Variants in DNAI1 observed in about 807,000 individuals in gnomAD.
DNAI1 encodes dynein axonemal intermediate chain 1, also known as dynein, axonemal, intermediate polypeptide 1.
Under a neutral mutation model 92.0 loss-of-function variants are expected in DNAI1, and 67 were observed. The ratio of observed to expected loss-of-function variants is 0.73; its 90% confidence interval spans 0.60 to 0.89. DNAI1 has a LOEUF of 0.89. Ranked by LOEUF, DNAI1 falls within the 40% of genes least tolerant of loss-of-function variation. The pLI is 0.00. For missense variants in DNAI1, 839 were observed against 866.6 expected (o/e 0.97, Z 0.40); for synonymous variants, 323 against 319.6 (o/e 1.01, Z -0.11).
chr9:34,459,080 T>C, intron 1 of DNAI1, 27 bp downstream of exon 1: 1 of 1,607,312 alleles, frequency 6.2e-7, no homozygotes, highest in Non-Finnish European at 8.5e-7. Flanking sequence ...TTCCTTCTGA[T>C]GACCTCTGAC....
rs1335341101 is a variant in DNAI1, at chr9:34,489,448, A to G, written c.387A>G (p.Ala129=). 2 of 1,613,418 alleles carry G rather than the reference A, an allele frequency of 1.2e-6. No homozygotes were observed. Among genetic ancestry groups the G allele is most frequent in the Admixed American group, 3.3e-5 (2 of 60,002 alleles). Residue 129 remains alanine (A), a splice_region_variant and synonymous_variant, in exon 5 of 20, where the codon GCA becomes GCG. Coordinates refer to ENST00000242317, the MANE Select transcript of DNAI1 (RefSeq NM_012144.4). The stretch of plus-strand genomic sequence containing the variant: ...AGCATTACCGCGATGAATTAGTGGC[A>G]GGTAGGACTCTGGGCCATCCTGAAG... ...RRQHYRDELV[A]GSQESVKVIS...
intron 1 of DNAI1, among the ~76,000 whole-genome samples, chr9:34,469,939 A>G (rs189365847): frequency 8.0e-4 from 122 of 152,348 alleles, no homozygotes; most frequent in African/African-American, 2.7e-3. Context: ...AAACAAAACC[A>G]TTATTGTCAA....
At chr9:34,482,858 A>AGTGG (rs1477599759) in intron 1 of DNAI1, among the ~76,000 whole-genome samples, 1 of 152,214 alleles carries the variant, frequency 6.6e-6, no homozygotes, top group Non-Finnish European at 1.5e-5. Flanking sequence ...GAGCCCATGG[A>AGTGG]GTGGGTGGGA....
At chr9:34,465,808 A>G (rs533336665) in intron 1 of DNAI1, among the ~76,000 whole-genome samples, 1 of 152,376 alleles carries the variant, frequency 6.6e-6, no homozygotes, top group Admixed American at 6.5e-5. Flanking sequence ...TCTGCCAGTT[A>G]GGAATTTGTA....
At chr9:34,494,754 A>G (rs1005367455) in intron 9 of DNAI1, among the ~76,000 whole-genome samples, 1 of 152,170 alleles carries the variant, frequency 6.6e-6, no homozygotes, top group Admixed American at 6.5e-5. Flanking sequence ...TTGGAAGACT[A>G]TGGTACAAGC....
chr9:34,496,420 C>T (rs1425173115), intron 9 of DNAI1, among the ~76,000 whole-genome samples: 2 of 152,260 alleles, frequency 1.3e-5, no homozygotes, highest in Non-Finnish European at 2.9e-5. Context: ...ACTCTTTGCT[C>T]TTCTGTCAAC....
chr9:34,503,490 T>C (rs916104154), intron 12 of DNAI1, among the ~76,000 whole-genome samples: 1 of 152,220 alleles, frequency 6.6e-6, no homozygotes, highest in Non-Finnish European at 1.5e-5. Flanking sequence ...GGTTTGTAGT[T>C]GGATTTGACT....
chr9:34,501,475 G>A (rs1456421317), intron 12 of DNAI1, among the ~76,000 whole-genome samples: 2 of 152,246 alleles, frequency 1.3e-5, no homozygotes, highest in Non-Finnish European at 2.9e-5. Context: ...TGAGGAATAT[G>A]GCAGAATATG....
chr9:34,517,524 G>A lies in DNAI1; in HGVS notation c.2001+57G>A, dbSNP rs911251038. The A allele has an allele frequency of 7.4e-5, 119 of 1,607,466 alleles. 1 individual carries two copies. Among genetic ancestry groups the A allele is most frequent in the Middle Eastern group, 4.9e-4 (3 of 6,070 alleles). ...GACGTAAAGTCTCCAGGAGGGTGGGGATGACAGAAGGGAGAAGCCAGGGTG... is the reference window on the plus strand; with the variant it reads ...GACGTAAAGTCTCCAGGAGGGTGGGAATGACAGAAGGGAGAAGCCAGGGTG... On this transcript the variant is annotated intron_variant, in intron 19 of 19. Coordinates refer to ENST00000242317, the MANE Select transcript of DNAI1 (RefSeq NM_012144.4).
chr9:34,479,529 T>C (rs1350184996), intron 1 of DNAI1, among the ~76,000 whole-genome samples: 1 of 152,220 alleles, frequency 6.6e-6, no homozygotes, highest in Admixed American at 6.5e-5. Context: ...AATTGCCTTG[T>C]CAGTTCTTTT....
rs746647838 is a variant in DNAI1, at chr9:34,506,767, G to A, written c.1204G>A (p.Gly402Ser). The A allele has an allele frequency of 2.5e-6, 4 of 1,614,180 alleles. No homozygotes were observed. Among genetic ancestry groups the A allele is most frequent in the Non-Finnish European group, 3.4e-6 (4 of 1,180,044 alleles). The change falls in exon 13 of 20, where the codon GGC becomes AGC. Residue 402 changes from glycine to serine, a missense_variant. Gly to Ser is a moderately conservative substitution (Grantham distance 56, BLOSUM62 0). Transcript: ENST00000242317. ...GGACCACCCCTACCTGGTGGCAGTA[G>A]GCCACTATGACGGCAACGTGGCCAT... ...HVDHPYLVAV[G>S]HYDGNVAIYN...
At chr9:34,469,547 CT>C (rs1174053813) in intron 1 of DNAI1, among the ~76,000 whole-genome samples, 1 of 151,526 alleles carries the variant, frequency 6.6e-6, no homozygotes, top group Admixed American at 6.6e-5. Context: ...GACTACAGCA[CT>C]TTTTTTCTTT....
rs1055906791 is a variant in DNAI1 at position 34,514,781 on chromosome 9, A to G, written c.1818+42A>G. 3.1e-6 allele frequency: 5 copies of G among 1,599,834 alleles called. No homozygotes were observed. The African/African-American group carries it at 6.7e-5, about 21-fold the overall frequency. On this transcript the variant is annotated intron_variant, in intron 18 of 19. Transcript: ENST00000242317. ...TGACTTCACTGAGTCCCTACTGGAGATCAGGTGTGTTATCTCAGGGGCTTC... is the reference window on the plus strand; with the variant it reads ...TGACTTCACTGAGTCCCTACTGGAGGTCAGGTGTGTTATCTCAGGGGCTTC...
Position 34,485,122 on chromosome 9 carries a change from C to A in DNAI1, c.82-20C>A, listed in dbSNP as rs772104792. ...AAGCAGAAAAGACACTCCCAAGCCTCATGTGAGGTTTTTGTCTAGGATGAA... is the reference window on the plus strand; with the variant it reads ...AAGCAGAAAAGACACTCCCAAGCCTAATGTGAGGTTTTTGTCTAGGATGAA... On this transcript the variant is annotated intron_variant, in intron 2 of 19. Transcript: ENST00000242317. 1.2e-6 allele frequency: 2 copies of A among 1,613,378 alleles called. No homozygotes were observed. Among genetic ancestry groups the A allele is most frequent in the South Asian group, 2.2e-5 (2 of 91,038 alleles).
intron 18 of DNAI1, among the ~76,000 whole-genome samples, 186 bp from the exon 19 acceptor site, chr9:34,517,099 A>G (rs779326218): frequency 2.6e-5 from 4 of 152,022 alleles, no homozygotes; most frequent in Non-Finnish European, 4.4e-5. Flanking sequence ...AAACTTTTTA[A>G]TTCTCACTCT....
chr9:34,483,569 C>A (rs1027798060), intron 2 of DNAI1, 89 bp downstream of exon 2: 3 of 1,268,622 alleles, frequency 2.4e-6, no homozygotes, highest in African/African-American at 1.5e-5. Context: ...TTAGAAAATG[C>A]AAATGAACTA....
At chr9:34,489,576 A>AAGAACCACCCTGCCC in intron 5 of DNAI1, 127 bp downstream of exon 5, 1 of 1,219,316 alleles carries the variant, frequency 8.2e-7, no homozygotes, top group Non-Finnish European at 1.2e-6. Context: ...CAGGCCGGGC[A>AAGAACCACCCTGCCC]GGGTGGTTCT....
chr9:34,465,285 G>A (rs1254223759), intron 1 of DNAI1, among the ~76,000 whole-genome samples: 3 of 152,182 alleles, frequency 2.0e-5, no homozygotes, highest in East Asian at 1.9e-4. Context: ...AAAGGAGAAA[G>A]ATTAAATAAT....
At chr9:34,496,981 C>A in intron 9 of DNAI1, 134 bp from the exon 10 acceptor site, 1 of 764,108 alleles carries the variant, frequency 1.3e-6, no homozygotes, top group Non-Finnish European at 2.4e-6. Context: ...TGCAGAGAAA[C>A]CTTTACAGAG....
Sources: gnomAD v4.1 joint callset for allele counts (sites outside exome capture counted in the v4.1 genomes callset) on GRCh38, gnomAD v4.1.1 for gene constraint, MANE v1.5 for transcripts, NCBI Gene and HGNC (gene_info 2026-07-23, HGNC 2026-07-21) for gene names.